The following SMYD3 variants were observed in gnomAD, a reference collection of about 807,000 sequenced individuals.
The protein encoded by SMYD3 is histone-lysine N-methyltransferase SMYD3.
In SMYD3, 36 loss-of-function variants were observed where a neutral mutation model predicts 57.7. The ratio of observed to expected loss-of-function variants is 0.62; its 90% CI spans 0.48 to 0.82. SMYD3 has a LOEUF of 0.82. SMYD3 is among the 40% of genes least tolerant of loss of function. The pLI, the probability that SMYD3 is intolerant of heterozygous loss-of-function variation, is 0.00. For synonymous variants in SMYD3, 211 were observed against 195.0 expected (o/e 1.08, Z -0.68); for missense variants, 515 against 538.8 (o/e 0.96, Z 0.44).
At chr1:245,751,545 A>G (rs2045359269) in intron 11 of SMYD3, among the ~76,000 whole-genome samples, 1 of 148,524 alleles carries the variant, frequency 6.7e-6, no homozygotes, top group African/African-American at 2.6e-5. Flanking sequence ...AGAGAGAAAG[A>G]GAGAGAGAGA....
chr1:246,205,059 T>TAA, intron 5 of SMYD3, among the ~76,000 whole-genome samples: 1 of 152,310 alleles, frequency 6.6e-6, no homozygotes, highest in East Asian at 1.9e-4. Context: ...ACACTGAATT[T>TAA]AGCCTCTTCT....
At chr1:246,220,027 A>G (rs1220728809) in intron 5 of SMYD3, among the ~76,000 whole-genome samples, 1 of 152,210 alleles carries the variant, frequency 6.6e-6, no homozygotes, top group Non-Finnish European at 1.5e-5. Context: ...CGAGGGTGTC[A>G]GGGAAATATA....
Position 246,118,136 on chromosome 1 carries a change from C to T in SMYD3, c.532-188199G>A, listed in dbSNP as rs186228239. ...AAACCTGAAGTGCTAAAAAATTTCA[C>T]AAATAATTATTTTAAATACACACTA... is the stretch of plus-strand genomic sequence containing the variant. On this transcript the variant is annotated intron_variant, in intron 5 of 11. Coordinates refer to ENST00000490107, the MANE Select transcript of SMYD3 (RefSeq NM_001167740.2). Among the ~76,000 whole-genome samples the T allele has an allele frequency of 2.6e-5, 4 of 152,206 alleles. No individual in the cohort carries two copies. The East Asian group carries it at 7.7e-4, about 29-fold the overall frequency.
intron 5 of SMYD3, among the ~76,000 whole-genome samples, chr1:246,246,389 T>C (rs1338255440): frequency 1.3e-5 from 2 of 152,160 alleles, no homozygotes; most frequent in African/African-American, 2.4e-5. Flanking sequence ...TATATTTTTC[T>C]ACTGGAAAGT....
chr1:246,284,122 G>C lies in SMYD3; in HGVS notation c.531+43079C>G, dbSNP rs534803826. ...CTCAGAGCCAATATCAAAAGCACCG[G>C]TGAGTATGCTGCAAAACGGCATAGC... On this transcript the variant is annotated intron_variant, in intron 5 of 11. Transcript: ENST00000490107. Among the ~76,000 whole-genome samples, 20 of 152,314 alleles carry C rather than the reference G, an allele frequency of 1.3e-4. No homozygotes were observed. In the East Asian group the frequency reaches 3.9e-3, roughly 29 times the overall value.
At chr1:245,757,833 G>A (rs571101126) in intron 11 of SMYD3, among the ~76,000 whole-genome samples, 6 of 152,016 alleles carry the variant, frequency 3.9e-5, no homozygotes, top group Admixed American at 6.6e-5. Flanking sequence ...TAGCTTTCTC[G>A]TAAATTTTAA....
rs932876657 is a variant in SMYD3, at chr1:246,250,057, C to G, written c.531+77144G>C. Among the ~76,000 whole-genome samples the G allele has an allele frequency of 5.3e-5, 8 of 152,202 alleles. 1 individual carries two copies. The highest frequency in any genetic ancestry group is 1.3e-4 in the Admixed American group (2 of 15,270). On this transcript the variant is annotated intron_variant, in intron 5 of 11. Coordinates refer to ENST00000490107, the MANE Select transcript of SMYD3 (RefSeq NM_001167740.2). ...AACGCATTCCTTTCCCTCCCCCTCT[C>G]TTGATATATACCTGCAAAACTGTCT...
intron 5 of SMYD3, among the ~76,000 whole-genome samples, chr1:245,936,034 C>T (rs992540196): frequency 6.6e-6 from 1 of 152,016 alleles, no homozygotes; most frequent in African/African-American, 2.4e-5. Context: ...ATTTCAAATG[C>T]CTCACCGTAA....
intron 1 of SMYD3, among the ~76,000 whole-genome samples, chr1:246,357,174 A>C (rs2065921463): frequency 6.6e-6 from 1 of 152,238 alleles, no homozygotes; most frequent in African/African-American, 2.4e-5. Context: ...ACTGTGCTGC[A>C]TTCCCAGACA....
At chr1:246,109,387 C>T (rs2061189281) in intron 5 of SMYD3, among the ~76,000 whole-genome samples, 1 of 152,184 alleles carries the variant, frequency 6.6e-6, no homozygotes. Flanking sequence ...AGTCACTTCG[C>T]AGTTTGCAAT....
At chr1:245,953,281 A>C in intron 5 of SMYD3, 1 of 999,968 alleles carries the variant, frequency 1.0e-6, no homozygotes, top group Non-Finnish European at 1.2e-6. Context: ...GGGAAACTTC[A>C]CTGCACATTA....
intron 5 of SMYD3, among the ~76,000 whole-genome samples, chr1:245,971,134 C>T (rs1022060252): frequency 1.3e-5 from 2 of 152,182 alleles, no homozygotes; most frequent in Non-Finnish European, 2.9e-5. Context: ...AGGATAAGTT[C>T]GTGTCCTTTG....
At chr1:245,755,477 G>A (rs770820892) in intron 11 of SMYD3, among the ~76,000 whole-genome samples, 7 of 152,170 alleles carry the variant, frequency 4.6e-5, no homozygotes, top group Non-Finnish European at 7.3e-5. Flanking sequence ...GTTGACAGAG[G>A]AGGTCTGATG....
At chr1:245,918,349 T>G (rs963002125) in intron 7 of SMYD3, among the ~76,000 whole-genome samples, 3 of 152,198 alleles carry the variant, frequency 2.0e-5, no homozygotes, top group Non-Finnish European at 2.9e-5. Context: ...TACTTTTACA[T>G]GGCTGCTTCT....
chr1:246,240,876 G>T (rs1223843967), intron 5 of SMYD3, among the ~76,000 whole-genome samples: 2 of 151,808 alleles, frequency 1.3e-5, no homozygotes, highest in African/African-American at 4.8e-5. Flanking sequence ...GATCACTCAT[G>T]ATTTGGCTCT....
At chr1:246,018,214 A>G (rs1173698961) in intron 5 of SMYD3, among the ~76,000 whole-genome samples, 1 of 152,206 alleles carries the variant, frequency 6.6e-6, no homozygotes, top group Admixed American at 6.5e-5. Flanking sequence ...TCTCTGTGGA[A>G]TACCAAGAGT....
intron 5 of SMYD3, among the ~76,000 whole-genome samples, chr1:246,169,487 C>T (rs1242340278): frequency 1.4e-5 from 2 of 146,928 alleles, no homozygotes; most frequent in African/African-American, 5.0e-5. Flanking sequence ...GAGTAGCAAA[C>T]AGAAGTCCTG....
Position 245,860,460 on chromosome 1 carries a change from G to A in SMYD3, c.902-1790C>T, listed in dbSNP as rs150318560. On this transcript the variant is annotated intron_variant, in intron 9 of 11. Transcript: ENST00000490107. Reference sequence around the variant, plus strand: ...ACAAATACCTTTATGAACTTTCACAGCAAATGTATTTTCTTTCCAGCAAAG... The same window carrying A: ...ACAAATACCTTTATGAACTTTCACAACAAATGTATTTTCTTTCCAGCAAAG... Among the ~76,000 whole-genome samples, 39 of 152,262 alleles carry A rather than the reference G, an allele frequency of 2.6e-4. No homozygotes were observed. The East Asian group carries it at 5.4e-3, about 21-fold the overall frequency.
At chr1:246,232,171 G>A (rs114701909) in intron 5 of SMYD3, among the ~76,000 whole-genome samples, 3,443 of 146,190 alleles carry the variant, frequency 0.024, 133 homozygotes, top group African/African-American at 0.08. Flanking sequence ...GTGACATGAA[G>A]CTTACTCAGT....
Sources: gnomAD v4.1 joint callset for allele counts (sites outside exome capture counted in the v4.1 genomes callset) on GRCh38, gnomAD v4.1.1 for gene constraint, MANE v1.5 for transcripts, NCBI Gene and HGNC (gene_info 2026-07-23, HGNC 2026-07-21) for gene names.